Variants in MGMT observed in about 807,000 individuals in gnomAD.
MGMT encodes the protein methylated-DNA--protein-cysteine methyltransferase.
A neutral mutation model predicts 15.9 loss-of-function variants in MGMT; 14 were observed. That is an observed-to-expected ratio of 0.88 (90% CI 0.58 to 1.37). The LOEUF (loss-of-function observed/expected upper bound fraction) is 1.37, where lower values mean the gene tolerates loss of function less well. Ranked by LOEUF, MGMT falls within the 40% of genes most tolerant of loss-of-function variation. MGMT has a pLI of 0.00. For missense variants in MGMT, 282 were observed against 268.1 expected (o/e 1.05, Z -0.36); for synonymous variants, 130 against 118.2 (o/e 1.10, Z -0.65).
In MGMT at chr10:129,659,443, C is replaced by G. The variant is rs1458570951; in HGVS notation, c.126-48452C>G. On this transcript the variant is annotated intron_variant, in intron 2 of 4. Transcript: ENST00000651593. The surrounding 1 kb of genome is among the most constrained non-coding windows in gnomAD (Gnocchi z 4.1). ...CGTTTGGCTGGAGATAGAACAGATC[C>G]TGCCTCTATCCACGGCGTAAGGGAG... is the stretch of plus-strand genomic sequence containing the variant. 6.6e-6 allele frequency among the ~76,000 whole-genome samples: 1 copy of G among 152,086 alleles called. No homozygotes were observed. The highest frequency in any genetic ancestry group is 1.5e-5 in the Non-Finnish European group (1 of 68,042).
intron 1 of MGMT, among the ~76,000 whole-genome samples, chr10:129,510,607 G>T: frequency 6.6e-6 from 1 of 152,324 alleles, no homozygotes; most frequent in African/African-American, 2.4e-5. Flanking sequence ...TAACAGATAT[G>T]TGTCAAAGAG....
chr10:129,579,011 G>A (rs1349841188), intron 2 of MGMT, among the ~76,000 whole-genome samples: 1 of 152,150 alleles, frequency 6.6e-6, no homozygotes, highest in Non-Finnish European at 1.5e-5. Flanking sequence ...AATGTACTGT[G>A]TACATTAGAT....
chr10:129,646,754 A>ATATATTTTT, intron 2 of MGMT, among the ~76,000 whole-genome samples: 2 of 86,678 alleles, frequency 2.3e-5, no homozygotes, highest in Non-Finnish European at 5.1e-5. Flanking sequence ...ATATATATAT[A>ATATATTTTT]TTTTCAGGGA....
At chr10:129,708,241 G>A (rs947778206) in intron 3 of MGMT, among the ~76,000 whole-genome samples, 198 bp downstream of exon 3, 2 of 152,212 alleles carry the variant, frequency 1.3e-5, no homozygotes, top group African/African-American at 4.8e-5. Context: ...TTTTGGCACA[G>A]GGTTGCATAA....
chr10:129,742,817 G>C (rs189236129), intron 3 of MGMT, among the ~76,000 whole-genome samples: 27 of 151,466 alleles, frequency 1.8e-4, no homozygotes, highest in African/African-American at 6.3e-4. Context: ...CTCAGAGCCA[G>C]GTTCTCAGGG....
chr10:129,530,195 G>A (rs1845915451), intron 1 of MGMT, among the ~76,000 whole-genome samples: 1 of 152,184 alleles, frequency 6.6e-6, no homozygotes, highest in Admixed American at 6.5e-5. Context: ...GAGCCACCAT[G>A]ACTGGCCCAG....
At chr10:129,759,378 G>T (rs202034307) in intron 4 of MGMT, 37 bp downstream of exon 4, 130 of 1,613,068 alleles carry the variant, frequency 8.1e-5, no homozygotes, top group Non-Finnish European at 1.0e-4. Context: ...TGTGGGTGGC[G>T]GGTGCGTGCA....
intron 2 of MGMT, among the ~76,000 whole-genome samples, chr10:129,693,252 T>G (rs369446032): frequency 6.6e-6 from 1 of 152,216 alleles, no homozygotes; most frequent in East Asian, 1.9e-4. Flanking sequence ...GTGTTTTCAT[T>G]GCAGTTAACA....
At chr10:129,738,904 A>G (rs923090752) in intron 3 of MGMT, among the ~76,000 whole-genome samples, 1 of 152,246 alleles carries the variant, frequency 6.6e-6, no homozygotes, top group South Asian at 2.1e-4. Context: ...GAAAATCTTC[A>G]ATAAAATGCT....
chr10:129,517,607 G>C (rs1845752854), intron 1 of MGMT, among the ~76,000 whole-genome samples: 2 of 152,216 alleles, frequency 1.3e-5, no homozygotes, highest in South Asian at 4.1e-4. Context: ...GGGCTCACCT[G>C]TCTCATGAGG....
At chr10:129,683,466 G>A (rs968717045) in intron 2 of MGMT, among the ~76,000 whole-genome samples, 24 of 152,282 alleles carry the variant, frequency 1.6e-4, no homozygotes, top group African/African-American at 5.5e-4. Flanking sequence ...GAAAATGCCC[G>A]GGTGAGTGCT....
intron 2 of MGMT, among the ~76,000 whole-genome samples, chr10:129,636,944 G>T (rs573702411): frequency 6.6e-6 from 1 of 152,330 alleles, no homozygotes; most frequent in African/African-American, 2.4e-5. Context: ...GACAAGAGCA[G>T]CCACACTCGA....
chr10:129,543,850 A>G (rs1362386402), intron 2 of MGMT, among the ~76,000 whole-genome samples: 1 of 152,218 alleles, frequency 6.6e-6, no homozygotes, highest in African/African-American at 2.4e-5. Context: ...GAAGGAAGAA[A>G]AGAATGGTTG....
chr10:129,523,282 C>T (rs752892603), intron 1 of MGMT, among the ~76,000 whole-genome samples: 23 of 152,358 alleles, frequency 1.5e-4, no homozygotes, highest in Admixed American at 9.8e-4. Flanking sequence ...GCCACACGGC[C>T]GGGGCAGCTT....
intron 2 of MGMT, among the ~76,000 whole-genome samples, chr10:129,537,839 A>C (rs572040485): frequency 4.6e-5 from 7 of 152,278 alleles, no homozygotes; most frequent in Non-Finnish European, 8.8e-5. Flanking sequence ...AAACCATGGG[A>C]GCTGGGGCTG....
intron 2 of MGMT, among the ~76,000 whole-genome samples, chr10:129,677,917 G>A (rs543138037): frequency 6.6e-5 from 10 of 152,222 alleles, no homozygotes; most frequent in South Asian, 4.2e-4. Context: ...TAAGAGGAGC[G>A]GTGATAAGTT....
intron 2 of MGMT, among the ~76,000 whole-genome samples, chr10:129,644,580 C>G (rs7906945): frequency 0.049 from 7,507 of 152,196 alleles, 214 homozygotes; most frequent in Middle Eastern, 0.088. Flanking sequence ...GGTGAGAGCC[C>G]GTGGAAGGGC....
intron 2 of MGMT, among the ~76,000 whole-genome samples, chr10:129,629,120 C>T (rs769814028): frequency 7.2e-5 from 11 of 152,340 alleles, no homozygotes; most frequent in African/African-American, 9.6e-5. Flanking sequence ...TGGTCTACAC[C>T]GCCATTTTAC....
chr10:129,617,066 CCACATGATAAG>C (rs201843625), intron 2 of MGMT, among the ~76,000 whole-genome samples: 3,910 of 152,244 alleles, frequency 0.026, 79 homozygotes, highest in South Asian at 0.059. Flanking sequence ...ATTTCTTCAT[CCACATGATAAG>C]CACATGATAA....
Sources: gnomAD v4.1 joint callset for allele counts (sites outside exome capture counted in the v4.1 genomes callset) on GRCh38, gnomAD v4.1.1 for gene constraint, Gnocchi (gnomAD v3.1) non-coding constraint, MANE v1.5 for transcripts, NCBI Gene and HGNC (gene_info 2026-07-23, HGNC 2026-07-21) for gene names.